BLCAP: variants seen among roughly 807,000 people sequenced by gnomAD.
BLCAP encodes the protein BLCAP apoptosis inducing factor, also known as apoptosis inducing factor BLCAP.
BLCAP carries 1 observed loss-of-function variant against 5.7 expected under a neutral mutation model. That is an observed-to-expected ratio of 0.18 (90% confidence interval 0.06 to 0.83). The LOEUF is 0.83. Ranked by LOEUF, BLCAP falls within the 40% of genes least tolerant of loss-of-function variation. BLCAP has a pLI of 0.71. For missense variants in BLCAP, 66 were observed against 107.6 expected, an observed-to-expected ratio of 0.61 and a Z score of 1.71; for synonymous variants, 48 against 49.4, an observed-to-expected ratio of 0.97 and a Z score of 0.11.
At position 37,521,658 on chromosome 20, in the gene BLCAP, A is replaced by C; in HGVS notation, c.-176-2308T>G. On this transcript the variant is annotated intron_variant, in intron 1 of 1. Transcript: ENST00000373537. This position sits in a 1 kb window ranked among gnomAD's most constrained non-coding sequence, Gnocchi z 4.5. ...GGGGCGCGGCGGGCGACCGCTGCGG[A>C]CGATCACCCAGGCATTTAGCGACCT... 2.0e-6 allele frequency: 1 copy of C among 507,972 alleles called. No individual in the cohort carries two copies. The allele number at this position is 507,972 out of a possible 1,614,324, so 31.5% of individuals were successfully genotyped here.
Position 37,518,712 on chromosome 20 carries a change from G to T in BLCAP, c.*199C>A. On this transcript the variant is annotated 3_prime_UTR_variant, in exon 2 of 2. Transcript: ENST00000373537. ...CACACACAACCACAAGACCACCCAC[G>T]ACTATAGGACTTTACAATAAAAGCA... 1 of 764,590 alleles carries T rather than the reference G, an allele frequency of 1.3e-6. No individual in the cohort carries two copies. The highest frequency in any genetic ancestry group is 2.0e-6 in the Non-Finnish European group (1 of 490,100). 47.4% of individuals were successfully genotyped at this position (764,590 alleles called of 1,614,324 possible). A position where few individuals can be genotyped will look rare whatever the true frequency, so the allele number is the denominator to read the frequency against.
intron 1 of BLCAP, chr20:37,527,520 G>T (rs2071744819): frequency 6.6e-6 from 1 of 152,386 alleles, no homozygotes; most frequent in East Asian, 1.9e-4. Flanking sequence ...CATCCTGCAA[G>T]GGCGCTGACC....
At chr20:37,522,933 T>C (rs1376830184) in intron 1 of BLCAP, 6 of 586,218 alleles carry the variant, frequency 1.0e-5, no homozygotes, top group Non-Finnish European at 1.8e-5. Context: ...GTACCGACAA[T>C]GACGAAGATA....
intron 1 of BLCAP, chr20:37,522,532 C>T (rs903641182): frequency 7.4e-6 from 10 of 1,343,814 alleles, no homozygotes; most frequent in East Asian, 2.6e-5. Context: ...GGACAAGCTG[C>T]GCCCGCGCCC....
intron 1 of BLCAP, among the ~76,000 whole-genome samples, chr20:37,526,295 C>CCCCCCCCCG (rs2071719819): frequency 7.6e-6 from 1 of 131,616 alleles, no homozygotes; most frequent in African/African-American, 2.9e-5. Context: ...CCCCCACCCC[C>CCCCCCCCCG]CCTCAGAGAT....
At position 37,518,953 on chromosome 20, in the gene BLCAP, CG is replaced by C; in HGVS notation, c.221del (p.Pro74ArgfsTer20). On this transcript the variant is annotated frameshift_variant, in exon 2 of 2. Transcript: ENST00000373537. LOFTEE classifies it high-confidence loss of function. Reference protein sequence around the residue: ...NCFLYHCSDSPLPESAHDPGV... With the variant: ...NCFLYHCSDSXLPESAHDPGV... ...CGGGATCATGCGCCGATTCTGGAAG[CG>C]GGGAATCGGAGCAGTGGTACAGGAA... 1 of 1,614,140 alleles carries C rather than the reference CG, an allele frequency of 6.2e-7. No individual in the cohort carries two copies. The highest frequency in any genetic ancestry group is 8.5e-7 in the Non-Finnish European group (1 of 1,180,018).
chr20:37,522,598 G>GCGCC, intron 1 of BLCAP: 1 of 864,474 alleles, frequency 1.2e-6, no homozygotes, highest in Non-Finnish European at 1.7e-6. Flanking sequence ...GCGGGGGTGG[G>GCGCC]CACGGCAGCA....
At chr20:37,524,684 C>A (rs747126546) in intron 1 of BLCAP, 2 of 152,356 alleles carry the variant, frequency 1.3e-5, no homozygotes, top group Non-Finnish European at 2.9e-5. Flanking sequence ...GCACAAAGTA[C>A]CTTGCCCCCT....
chr20:37,527,196 C>A (rs1339353286), intron 1 of BLCAP: 1 of 152,176 alleles, frequency 6.6e-6, no homozygotes, highest in Non-Finnish European at 1.5e-5. Flanking sequence ...GAGGGCCACT[C>A]CCCACGTCTA....
Position 37,521,294 on chromosome 20 carries a change from C to CCCTCTT in BLCAP, c.-176-1950_-176-1945dup, listed in dbSNP as rs774457479. On this transcript the variant is annotated intron_variant, in intron 1 of 1. Transcript: ENST00000373537. The surrounding 1 kb of genome is among the most constrained non-coding windows in gnomAD (Gnocchi z 4.5). ...TCCGAGACCAGCGGATCTCGGCAAA[C>CCCTCTT]CCTCTTTCTCGACCACCCACCTACC... The CCCTCTT allele has an allele frequency of 1.2e-6, 2 of 1,608,348 alleles. No homozygotes were observed. Among genetic ancestry groups the CCCTCTT allele is most frequent in the East Asian group, 4.5e-5 (2 of 44,836 alleles).
In BLCAP at chr20:37,519,033, A is replaced by C. The variant is rs2071468816; in HGVS notation, c.142T>G (p.Leu48Val). 17 of 1,614,120 alleles carry C rather than the reference A, an allele frequency of 1.1e-5. No homozygotes were observed. The highest frequency in any genetic ancestry group is 1.3e-5 in the Non-Finnish European group (15 of 1,180,050). Residue 48 changes from leucine to valine, a missense_variant, in exon 2 of 2, where the codon TTG becomes GTG. Leu to Val is a conservative substitution (Grantham distance 32). Coordinates refer to ENST00000373537, the MANE Select transcript of BLCAP (RefSeq NM_006698.4). The stretch of plus-strand genomic sequence containing the variant: ...AGGAACAGGGCTGCCAGGAAAACCA[A>C]GGCACAAATTGTGCAAGGCTTCCGT... Reference protein sequence around the residue: ...LERKPCTICALVFLAALFLIC... With the variant: ...LERKPCTICAVVFLAALFLIC...
chr20:37,521,461 G>T lies in BLCAP; in HGVS notation c.-176-2111C>A, dbSNP rs1394439900. Reference sequence around the variant, plus strand: ...TTCCCAACTCGCGCCCCTAGAACCCGCAAGACTGCGTCGCGATTGCCGCTT... The same window carrying T: ...TTCCCAACTCGCGCCCCTAGAACCCTCAAGACTGCGTCGCGATTGCCGCTT... On this transcript the variant is annotated intron_variant, in intron 1 of 1. Coordinates refer to ENST00000373537, the MANE Select transcript of BLCAP (RefSeq NM_006698.4). The surrounding 1 kb of genome is among the most constrained non-coding windows in gnomAD (Gnocchi z 4.5). 36 of 1,529,094 alleles carry T rather than the reference G, an allele frequency of 2.4e-5. No individual in the cohort carries two copies. The highest frequency in any genetic ancestry group is 3.2e-5 in the Non-Finnish European group (35 of 1,102,786). 94.7% of individuals were successfully genotyped at this position (1,529,094 alleles called of 1,614,324 possible). A position where few individuals can be genotyped will look rare whatever the true frequency, so the allele number is the denominator to read the frequency against.
At chr20:37,523,887 C>A (rs1373398612) in intron 1 of BLCAP, among the ~76,000 whole-genome samples, 1 of 152,178 alleles carries the variant, frequency 6.6e-6, no homozygotes, top group Non-Finnish European at 1.5e-5. Flanking sequence ...CCCCCTCTCC[C>A]CAAAGAGAAA....
At chr20:37,526,280 C>G (rs757813290) in intron 1 of BLCAP, among the ~76,000 whole-genome samples, 2,045 of 107,094 alleles carry the variant, frequency 0.019, 29 homozygotes, top group Non-Finnish European at 0.025. Flanking sequence ...TTCCCCCCCC[C>G]ACCGCCCCCA....
In BLCAP at chr20:37,521,447, C is replaced by T; in HGVS notation, c.-176-2097G>A. 2.5e-6 allele frequency: 4 copies of T among 1,584,576 alleles called. No homozygotes were observed. Among genetic ancestry groups the T allele is most frequent in the East Asian group, 2.2e-5 (1 of 44,740 alleles). The stretch of plus-strand genomic sequence containing the variant: ...CGGGTGGGAGAGGGTTCCCAACTCG[C>T]GCCCCTAGAACCCGCAAGACTGCGT... On this transcript the variant is annotated intron_variant, in intron 1 of 1. Coordinates refer to ENST00000373537, the MANE Select transcript of BLCAP (RefSeq NM_006698.4). This position sits in a 1 kb window ranked among gnomAD's most constrained non-coding sequence, Gnocchi z 4.5.
Position 37,519,066 on chromosome 20 carries a change from G to A in BLCAP, c.109C>T (p.Leu37Phe). 6.2e-7 allele frequency: 1 copy of A among 1,614,212 alleles called. No individual in the cohort carries two copies. Among genetic ancestry groups the A allele is most frequent in the Non-Finnish European group, 8.5e-7 (1 of 1,180,038 alleles). The change falls in exon 2 of 2, where the codon CTC (leucine) becomes TTC (phenylalanine). Residue 37 changes from leucine (L) to phenylalanine (F), a missense_variant. Transcript: ENST00000373537. ...MFMGFYLLSF[L>F]LERKPCTICA... The stretch of plus-strand genomic sequence containing the variant: ...ATTGTGCAAGGCTTCCGTTCCAGGA[G>A]GAAGCTGAGCAGGTAGAAGCCCATG...
At chr20:37,526,642 T>C (rs1178873195) in intron 1 of BLCAP, 5 of 152,144 alleles carry the variant, frequency 3.3e-5, no homozygotes, top group South Asian at 4.1e-4. Context: ...CTAACCCAGA[T>C]TCCTCTTTGA....
chr20:37,522,577 C>CCGGGGGGGGG, intron 1 of BLCAP: 1 of 947,652 alleles, frequency 1.1e-6, no homozygotes, highest in Non-Finnish European at 1.4e-6. Context: ...GCGGGCGGGG[C>CCGGGGGGGGG]AGGGGGTGGG....
rs541837470 is a variant in BLCAP, at chr20:37,518,645, G to C, written c.*266C>G. On this transcript the variant is annotated 3_prime_UTR_variant, in exon 2 of 2. Transcript: ENST00000373537. ...GACTCCTCACAGTAATGAGGCGAGAGGGGTGGTCATGCGGCCAGCCAGGAC... is the reference window on the plus strand; with the variant it reads ...GACTCCTCACAGTAATGAGGCGAGACGGGTGGTCATGCGGCCAGCCAGGAC... 6.1e-6 allele frequency: 3 copies of C among 492,188 alleles called. No homozygotes were observed. The highest frequency in any genetic ancestry group is 7.0e-5 in the Admixed American group (2 of 28,564). 30.5% of individuals were successfully genotyped at this position (492,188 alleles called of 1,614,324 possible). A position where few individuals can be genotyped will look rare whatever the true frequency, so the allele number is the denominator to read the frequency against.
Sources: allele counts gnomAD v4.1 joint callset (sites outside exome capture counted in the v4.1 genomes callset), GRCh38; gene constraint gnomAD v4.1.1; non-coding constraint Gnocchi (gnomAD v3.1); transcripts MANE v1.5; gene names NCBI Gene and HGNC (gene_info 2026-07-23, HGNC 2026-07-21).